The following OVCH1 variants were observed in gnomAD, a reference collection of about 807,000 sequenced individuals.
OVCH1 encodes the protein ovochymase 1, also known as ovochymase-1.
OVCH1 carries 139 observed loss-of-function variants against 138.4 expected under a neutral mutation model. The ratio of observed to expected loss-of-function variants is 1.00; its 90% CI spans 0.87 to 1.16. The LOEUF (loss-of-function observed/expected upper bound fraction) is 1.16, where lower values mean the gene tolerates loss of function less well. OVCH1 is among the 50% of genes most tolerant of loss of function. OVCH1 has a pLI of 0.00. For synonymous variants in OVCH1, 453 were observed against 467.8 expected, an observed-to-expected ratio of 0.97 and a Z score of 0.41; for missense variants, 1,367 against 1,357.9, an observed-to-expected ratio of 1.01 and a Z score of -0.11.
At chr12:29,427,758 A>G (rs1941202569) in intron 27 of OVCH1, 3 of 1,428,420 alleles carry the variant, frequency 2.1e-6, no homozygotes, top group Admixed American at 4.4e-5. Flanking sequence ...GAGTAGCAAC[A>G]GGGGTCTATA....
chr12:29,417,483 AAG>A (rs1410007932), intron 3 of OVCH1, among the ~76,000 whole-genome samples: 5 of 150,516 alleles, frequency 3.3e-5, no homozygotes, highest in South Asian at 2.1e-4. Context: ...AAAAAAAAAA[AAG>A]GCAACACTAG....
chr12:29,478,575 T>C (rs1015984802), intron 9 of OVCH1, among the ~76,000 whole-genome samples: 4 of 152,168 alleles, frequency 2.6e-5, no homozygotes, highest in Non-Finnish European at 5.9e-5. Flanking sequence ...GTCTCCACTC[T>C]TACTCCCTCC....
chr12:29,438,747 G>A (rs1397695065), intron 26 of OVCH1, among the ~76,000 whole-genome samples: 1 of 152,024 alleles, frequency 6.6e-6, no homozygotes, highest in East Asian at 1.9e-4. Flanking sequence ...ACATTTTACT[G>A]CTATGGTTTT....
At chr12:29,449,096 A>G (rs1310118713) in intron 22 of OVCH1, among the ~76,000 whole-genome samples, 1 of 151,974 alleles carries the variant, frequency 6.6e-6, no homozygotes, top group Admixed American at 6.6e-5. Flanking sequence ...AATCTTTTCA[A>G]TCCTGCCACT....
intron 25 of OVCH1, among the ~76,000 whole-genome samples, 187 bp downstream of exon 26, chr12:29,439,666 G>A (rs991742294): frequency 5.3e-5 from 8 of 151,980 alleles, no homozygotes; most frequent in African/African-American, 1.9e-4. Context: ...GGGTTAGCAC[G>A]GACTGCACAG....
chr12:29,433,392 T>A (rs1028261995), intron 27 of OVCH1, among the ~76,000 whole-genome samples: 2 of 152,202 alleles, frequency 1.3e-5, no homozygotes, highest in African/African-American at 4.8e-5. Flanking sequence ...GACGTGCCTT[T>A]ACTCCTCTTT....
At chr12:29,476,225 A>G in exon 13 of OVCH1, 3 of 1,613,186 alleles carry the variant, frequency 1.9e-6, no homozygotes, top group Non-Finnish European at 2.5e-6. Context: ...GCTTTTCTTC[A>G]GAATCACCGT....
intron 22 of OVCH1, among the ~76,000 whole-genome samples, chr12:29,446,311 A>T (rs1481547469): frequency 1.3e-5 from 2 of 152,154 alleles, no homozygotes; most frequent in African/African-American, 4.8e-5. Context: ...AAGAAAAAGC[A>T]TTCGTTGGCA....
At chr12:29,480,118 A>G (rs1392908518) in intron 8 of OVCH1, among the ~76,000 whole-genome samples, 2 of 152,100 alleles carry the variant, frequency 1.3e-5, no homozygotes, top group Non-Finnish European at 2.9e-5. Context: ...CACCATGCCC[A>G]GCCGGAAACT....
chr12:29,411,135 G>T (rs539270261), downstream of OVCH1, among the ~76,000 whole-genome samples: 1 of 98,314 alleles, frequency 1.0e-5, no homozygotes, highest in African/African-American at 2.8e-5. Context: ...CGTAGTTCTC[G>T]AGCCTTGGCT....
At chr12:29,405,056 A>AAAAC in the OVCH1 span, among the ~76,000 whole-genome samples, 5 of 112,112 alleles carry the variant, frequency 4.5e-5, no homozygotes, top group African/African-American at 1.6e-4. Flanking sequence ...AAAAAAAAAA[A>AAAAC]CAAAAGAAAT....
intron 3 of OVCH1, among the ~76,000 whole-genome samples, chr12:29,417,029 G>A (rs1409480891): frequency 2.0e-5 from 3 of 152,168 alleles, no homozygotes; most frequent in African/African-American, 7.2e-5. Flanking sequence ...AGTACAACTT[G>A]GATAAATCTC....
At chr12:29,430,854 T>C in intron 27 of OVCH1, 1 of 516,276 alleles carries the variant, frequency 1.9e-6, no homozygotes, top group Non-Finnish European at 3.9e-6. Context: ...TTCAAATTGT[T>C]ACAAAGTTCA....
intron 25 of OVCH1, 90 bp downstream of exon 25, chr12:29,443,271 C>T (rs962328633): frequency 4.7e-5 from 63 of 1,327,978 alleles, no homozygotes; most frequent in Middle Eastern, 3.9e-4. Context: ...GTGTATGTCA[C>T]ATGTAAGCCA....
downstream of OVCH1, among the ~76,000 whole-genome samples, chr12:29,426,595 C>G (rs1391492645): frequency 6.6e-6 from 1 of 152,122 alleles, no homozygotes; most frequent in African/African-American, 2.4e-5. Flanking sequence ...ATCTTTTTCT[C>G]CCTGTCATAT....
exon 7 of OVCH1, chr12:29,487,819 T>G: frequency 1.2e-6 from 2 of 1,609,402 alleles, no homozygotes; most frequent in Non-Finnish European, 1.7e-6. Context: ...ACCCAGGAAG[T>G]TATCCCAGCA....
chr12:29,495,223 C>T, intron 4 of OVCH1, 62 bp downstream of exon 4: 1 of 1,445,550 alleles, frequency 6.9e-7, no homozygotes. Context: ...TTAAAGTTAA[C>T]TTGTACATAA....
downstream of OVCH1, among the ~76,000 whole-genome samples, chr12:29,407,485 AAGGTGTAAGGAAG>A (rs1347009901): frequency 7.2e-4 from 109 of 150,704 alleles, no homozygotes; most frequent in African/African-American, 2.6e-3. Flanking sequence ...ATTTTTGTAT[AAGGTGTAAGGAAG>A]GGATCCAGTT....
chr12:29,431,007 C>T, intron 27 of OVCH1: 1 of 435,666 alleles, frequency 2.3e-6, no homozygotes, highest in East Asian at 6.3e-5. Context: ...TTTTTCCTCT[C>T]ATGGAATATA....
Sources: allele counts gnomAD v4.1 joint callset (sites outside exome capture counted in the v4.1 genomes callset), GRCh38; gene constraint gnomAD v4.1.1; transcripts MANE v1.5; gene names NCBI Gene and HGNC (gene_info 2026-07-23, HGNC 2026-07-21).